Variants in MAML3 observed in about 807,000 individuals in gnomAD.
MAML3 encodes the protein mastermind like transcriptional coactivator 3, also known as mastermind-like protein 3.
A neutral mutation model predicts 101.9 loss-of-function variants in MAML3; 27 were observed. The ratio of observed to expected loss-of-function variants is 0.27; its 90% CI spans 0.20 to 0.37. The LOEUF (loss-of-function observed/expected upper bound fraction) is 0.37. Ranked by LOEUF, MAML3 falls within the 10% of genes least tolerant of loss-of-function variation. The pLI is 1.00. For synonymous variants in MAML3, 501 were observed against 555.9 expected (o/e 0.90, Z 1.39); for missense variants, 1,316 against 1,444.9 (o/e 0.91, Z 1.45).
intron 1 of MAML3, among the ~76,000 whole-genome samples, chr4:139,898,924 G>A (rs771656769): frequency 5.9e-5 from 9 of 152,154 alleles, no homozygotes; most frequent in Admixed American, 3.3e-4. Context: ...GATCTTGAGC[G>A]TTATTTAGAG....
Position 139,719,112 on chromosome 4 carries a change from G to T in MAML3, c.*211C>A. On this transcript the variant is annotated 3_prime_UTR_variant, in exon 5 of 5. Transcript: ENST00000509479. ...CTCTCGCAGCCGGGATCTGCATGGC[G>T]TCTCATCTCGATTGCTGTGTGAAAA... 1.8e-6 allele frequency: 1 copy of T among 558,834 alleles called. No homozygotes were observed. The allele number at this position is 558,834 out of a possible 1,614,324, so 34.6% of individuals were successfully genotyped here.
intron 1 of MAML3, among the ~76,000 whole-genome samples, chr4:140,145,878 CTT>C (rs10625860): frequency 1.8e-5 from 2 of 108,476 alleles, no homozygotes; most frequent in Admixed American, 1.2e-4. Context: ...TTTCTTTTTT[CTT>C]TTTTTTTTTT....
intron 1 of MAML3, among the ~76,000 whole-genome samples, chr4:140,150,467 G>C (rs1647263483): frequency 6.6e-6 from 1 of 152,130 alleles, no homozygotes; most frequent in African/African-American, 2.4e-5. Context: ...ATCTTGCCGT[G>C]TCCAGAGACC....
intron 1 of MAML3, among the ~76,000 whole-genome samples, chr4:139,962,192 T>A (rs1318227945): frequency 6.6e-6 from 1 of 152,114 alleles, no homozygotes. Flanking sequence ...GTTAAACCTA[T>A]AACTTTCTCT....
In MAML3 at chr4:140,078,020, TAAATAAAA is replaced by T. The variant is rs753145884; in HGVS notation, c.468+74832_468+74839del. ...CAACAGAGCAAGACTCCGTCTCAAA[TAAATAAAA>T]AAATAAATAAATAAATAAATAAATA... On this transcript the variant is annotated intron_variant, in intron 1 of 4. Transcript: ENST00000509479. Among the ~76,000 whole-genome samples, 1,193 of 149,770 alleles carry T rather than the reference TAAATAAAA, an allele frequency of 8.0e-3. 15 individuals are homozygous for T. Among genetic ancestry groups the T allele is most frequent in the African/African-American group, 0.025 (1,011 of 41,042 alleles).
At chr4:139,827,537 G>C (rs916342995) in intron 2 of MAML3, among the ~76,000 whole-genome samples, 2 of 151,846 alleles carry the variant, frequency 1.3e-5, no homozygotes, top group Middle Eastern at 6.8e-3. Flanking sequence ...GGACTAGGGG[G>C]GAAAAAACAG....
chr4:139,952,505 CG>C (rs1560847228), intron 1 of MAML3, among the ~76,000 whole-genome samples: 1 of 152,142 alleles, frequency 6.6e-6, no homozygotes, highest in Admixed American at 6.5e-5. Flanking sequence ...CTACCAACCT[CG>C]GACTGTCCTC....
chr4:140,130,647 G>A (rs1287652473), intron 1 of MAML3, among the ~76,000 whole-genome samples: 1 of 152,150 alleles, frequency 6.6e-6, no homozygotes, highest in East Asian at 1.9e-4. Context: ...ACGGATAAGT[G>A]TAACTGAAAG....
intron 2 of MAML3, among the ~76,000 whole-genome samples, chr4:139,880,671 AAG>A (rs1037653498): frequency 6.6e-6 from 1 of 152,244 alleles, no homozygotes. Flanking sequence ...ATTTTGTGTT[AAG>A]AGAGCACTTT....
Position 140,153,285 on chromosome 4 carries a change from T to TGTTG in MAML3, c.42_43insCAAC (p.Ser15GlnfsTer8). 1 of 1,605,682 alleles carries TGTTG rather than the reference T, an allele frequency of 6.2e-7. No homozygotes were observed. The highest frequency in any genetic ancestry group is 8.5e-7 in the Non-Finnish European group (1 of 1,175,776). On this transcript the variant is annotated frameshift_variant, in exon 1 of 5. Transcript: ENST00000509479. LOFTEE classifies it high-confidence loss of function. ...TTCAGGCTACTGTTGATGCAAATAC[T>TGTTG]ACTGCCATTCGCGGCAGCAGCGGGG...
chr4:140,083,963 CACACAGAGAGAGAGAG>C lies in MAML3; in HGVS notation c.468+68881_468+68896del, dbSNP rs1238318457. 5.3e-3 allele frequency among the ~76,000 whole-genome samples: 359 copies of C among 67,438 alleles called. 2 individuals carry two copies. Among genetic ancestry groups the C allele is most frequent in the East Asian group, 0.027 (76 of 2,790 alleles). 44.2% of individuals were successfully genotyped at this position (67,438 alleles called of 152,430 possible). On this transcript the variant is annotated intron_variant, in intron 1 of 4. Transcript: ENST00000509479. ...ACACACACACACACACACACACACACACACAGAGAGAGAGAGAGAGAGAGAGAGAGAGAGAGAGAGA... is the reference window on the plus strand; with the variant it reads ...ACACACACACACACACACACACACACAGAGAGAGAGAGAGAGAGAGAGAGA...
rs149375329 is a variant in MAML3 at position 139,912,541 on chromosome 4, A to G, written c.469-21574T>C. Among the ~76,000 whole-genome samples, 4 of 152,360 alleles carry G rather than the reference A, an allele frequency of 2.6e-5. No homozygotes were observed. In the East Asian group the frequency reaches 7.7e-4, roughly 29 times the overall value. ...AAGTCCTAAACTTCAGTACCTCAGA[A>G]TGTGACTTCATTTGGAAATAGGATC... On this transcript the variant is annotated intron_variant, in intron 1 of 4. Coordinates refer to ENST00000509479, the MANE Select transcript of MAML3 (RefSeq NM_018717.5).
intron 1 of MAML3, among the ~76,000 whole-genome samples, chr4:140,133,799 C>T (rs1398380459): frequency 1.3e-5 from 2 of 152,164 alleles, no homozygotes; most frequent in Non-Finnish European, 2.9e-5. Flanking sequence ...GTCTCACTGT[C>T]GCTCCACTCA....
intron 1 of MAML3, among the ~76,000 whole-genome samples, chr4:139,891,663 A>T (rs980636870): frequency 4.9e-4 from 75 of 152,366 alleles, no homozygotes; most frequent in Non-Finnish European, 8.2e-4. Context: ...AAATGAGAAC[A>T]TCAAGGAATT....
intron 1 of MAML3, among the ~76,000 whole-genome samples, chr4:140,058,890 G>T (rs532685133): frequency 1.3e-5 from 2 of 152,118 alleles, no homozygotes; most frequent in African/African-American, 4.8e-5. Context: ...AAAGAGAATC[G>T]GTATGAGACA....
At chr4:139,876,109 AG>A (rs1732110932) in intron 2 of MAML3, among the ~76,000 whole-genome samples, 1 of 152,136 alleles carries the variant, frequency 6.6e-6, no homozygotes. Flanking sequence ...CAGGCACATC[AG>A]ATTTCAAACA....
intron 2 of MAML3, among the ~76,000 whole-genome samples, chr4:139,767,375 G>A (rs1174410836): frequency 2.0e-5 from 3 of 152,178 alleles, no homozygotes; most frequent in African/African-American, 7.2e-5. Context: ...CCATGAAATT[G>A]GTTTAAGCTG....
At chr4:139,748,867 C>T (rs1487136287) in intron 2 of MAML3, among the ~76,000 whole-genome samples, 5 of 152,130 alleles carry the variant, frequency 3.3e-5, no homozygotes. Context: ...CAAACTCAAC[C>T]CGGCTTTGTT....
At chr4:139,960,423 T>C (rs1733990035) in intron 1 of MAML3, among the ~76,000 whole-genome samples, 1 of 152,184 alleles carries the variant, frequency 6.6e-6, no homozygotes, top group Admixed American at 6.5e-5. Flanking sequence ...AACAGAATCC[T>C]GGATTTTATG....
Sources: gnomAD v4.1 joint callset for allele counts (sites outside exome capture counted in the v4.1 genomes callset) on GRCh38, gnomAD v4.1.1 for gene constraint, MANE v1.5 for transcripts, NCBI Gene and HGNC (gene_info 2026-07-23, HGNC 2026-07-21) for gene names.